Variants in GNAQ observed in about 807,000 individuals in gnomAD.
The protein encoded by GNAQ is G protein subunit alpha q.
A neutral mutation model predicts 43.9 loss-of-function variants in GNAQ; 8 were observed. The ratio of observed to expected loss-of-function variants is 0.18; its 90% confidence interval spans 0.11 to 0.33. GNAQ has a LOEUF of 0.33. GNAQ is among the 10% of genes least tolerant of loss of function. The pLI, the probability that GNAQ is intolerant of heterozygous loss-of-function variation, is 1.00. For missense variants in GNAQ, 158 were observed against 450.8 expected (o/e 0.35, Z 5.88); for synonymous variants, 155 against 170.7 (o/e 0.91, Z 0.71).
chr9:77,898,663 A>C (rs1828543647), intron 2 of GNAQ, among the ~76,000 whole-genome samples: 1 of 152,140 alleles, frequency 6.6e-6, no homozygotes, highest in Admixed American at 6.5e-5. Context: ...ATGGAAGAAC[A>C]AGTGAAAAGA....
At chr9:77,993,126 A>G (rs1461590669) in intron 1 of GNAQ, among the ~76,000 whole-genome samples, 1 of 152,218 alleles carries the variant, frequency 6.6e-6, no homozygotes, top group Non-Finnish European at 1.5e-5. Flanking sequence ...TTAGAAACTA[A>G]TTAAATTCAG....
At chr9:77,965,709 GATATGGA>G (rs1823157891) in intron 1 of GNAQ, among the ~76,000 whole-genome samples, 1 of 152,104 alleles carries the variant, frequency 6.6e-6, no homozygotes, top group Non-Finnish European at 1.5e-5. Context: ...TGCTAGCAAG[GATATGGA>G]ACTCTCATAC....
intron 1 of GNAQ, among the ~76,000 whole-genome samples, chr9:78,003,188 G>C (rs997173622): frequency 2.0e-5 from 3 of 152,084 alleles, no homozygotes; most frequent in Non-Finnish European, 4.4e-5. Flanking sequence ...ATATAAAGGA[G>C]AATGTCCAAA....
chr9:78,004,651 C>A (rs1010048929), intron 1 of GNAQ, among the ~76,000 whole-genome samples: 8 of 152,084 alleles, frequency 5.3e-5, no homozygotes, highest in Non-Finnish European at 7.3e-5. Flanking sequence ...CATACCAATA[C>A]CTCCTGCACA....
intron 3 of GNAQ, among the ~76,000 whole-genome samples, chr9:77,803,658 A>C (rs1392000171): frequency 6.6e-6 from 1 of 152,242 alleles, no homozygotes; most frequent in Non-Finnish European, 1.5e-5. Flanking sequence ...CCTTACCTGC[A>C]AGGAGTTTAT....
At chr9:77,862,716 T>TA (rs1416604323) in intron 2 of GNAQ, among the ~76,000 whole-genome samples, 1 of 152,244 alleles carries the variant, frequency 6.6e-6, no homozygotes, top group Non-Finnish European at 1.5e-5. Context: ...GGTTCCTCGT[T>TA]ACTTATGCAA....
At chr9:77,729,497 T>A (rs1587886697) in intron 5 of GNAQ, among the ~76,000 whole-genome samples, 2 of 151,768 alleles carry the variant, frequency 1.3e-5, no homozygotes, top group South Asian at 4.2e-4. Context: ...GTTAAATCAT[T>A]CCTCTGAAAA....
At chr9:77,812,015 G>A (rs1826936016) in intron 3 of GNAQ, among the ~76,000 whole-genome samples, 2 of 152,164 alleles carry the variant, frequency 1.3e-5, no homozygotes, top group South Asian at 4.1e-4. Flanking sequence ...TGCCTGTCCT[G>A]GAGAGTCGCT....
At chr9:77,815,992 T>C (rs2118511604) in intron 2 of GNAQ, among the ~76,000 whole-genome samples, 1 of 152,254 alleles carries the variant, frequency 6.6e-6, no homozygotes, top group East Asian at 1.9e-4. Context: ...TTAGAATTGA[T>C]TAGAGGAAAC....
chr9:77,794,067 A>G (rs1463192145), intron 5 of GNAQ, among the ~76,000 whole-genome samples: 1 of 152,086 alleles, frequency 6.6e-6, no homozygotes, highest in Non-Finnish European at 1.5e-5. Flanking sequence ...ACTCTTTGGG[A>G]CACACCCATC....
chr9:78,031,099 C>A lies in GNAQ; in HGVS notation c.136+1G>T, dbSNP rs1178986493. On this transcript the variant is annotated splice_donor_variant, in intron 1 of 6. Coordinates refer to ENST00000286548, the MANE Select transcript of GNAQ (RefSeq NM_002072.5). LOFTEE classifies it high-confidence loss of function. ...CCGGCGGGGCCCCGGACGGTACTCACCGAGCAGCAGCAGCTTGAGCTCCCG... is the reference window on the plus strand; with the variant it reads ...CCGGCGGGGCCCCGGACGGTACTCAACGAGCAGCAGCAGCTTGAGCTCCCG... 6.6e-7 allele frequency: 1 copy of A among 1,517,674 alleles called. No individual in the cohort carries two copies. The allele number at this position is 1,517,674 out of a possible 1,614,324, so 94.0% of individuals were successfully genotyped here.
At chr9:77,910,862 A>G (rs1266885496) in intron 2 of GNAQ, among the ~76,000 whole-genome samples, 3 of 152,192 alleles carry the variant, frequency 2.0e-5, no homozygotes, top group Non-Finnish European at 4.4e-5. Flanking sequence ...TTTGCTTAAC[A>G]CCACACAACA....
intron 2 of GNAQ, among the ~76,000 whole-genome samples, chr9:77,898,383 C>T (rs1045328985): frequency 6.6e-6 from 1 of 152,176 alleles, no homozygotes; most frequent in Non-Finnish European, 1.5e-5. Flanking sequence ...GGGAGCCATT[C>T]TGTCCCTCCC....
chr9:78,008,512 A>C (rs1823732938), intron 1 of GNAQ, among the ~76,000 whole-genome samples: 1 of 152,254 alleles, frequency 6.6e-6, no homozygotes, highest in East Asian at 1.9e-4. Flanking sequence ...AGTTTATTTT[A>C]CATTAAATAA....
rs74437580 is a variant in GNAQ, at chr9:77,755,261, T to A, written c.736-26594A>T. Among the ~76,000 whole-genome samples the A allele has an allele frequency of 9.9e-5, 15 of 152,282 alleles. No individual in the cohort carries two copies. The East Asian group carries it at 2.9e-3, about 29-fold the overall frequency. ...TAGTGGGGCTGGGGGAAGTGGTTAATGGGTACAAAAATATAGTTAGATAAA... is the reference window on the plus strand; with the variant it reads ...TAGTGGGGCTGGGGGAAGTGGTTAAAGGGTACAAAAATATAGTTAGATAAA... On this transcript the variant is annotated intron_variant, in intron 5 of 6. Coordinates refer to ENST00000286548, the MANE Select transcript of GNAQ (RefSeq NM_002072.5).
intron 1 of GNAQ, among the ~76,000 whole-genome samples, chr9:78,029,090 C>T (rs1824017234): frequency 6.6e-6 from 1 of 152,088 alleles, no homozygotes; most frequent in Admixed American, 6.5e-5. Context: ...TTTAAATACA[C>T]AGTATGGAAT....
intron 2 of GNAQ, among the ~76,000 whole-genome samples, chr9:77,847,504 A>C (rs947426069): frequency 6.6e-6 from 1 of 152,230 alleles, no homozygotes; most frequent in African/African-American, 2.4e-5. Context: ...AGCAGATATC[A>C]AAAAGGAAGG....
At chr9:77,958,011 G>T (rs539179323) in intron 1 of GNAQ, among the ~76,000 whole-genome samples, 1 of 152,242 alleles carries the variant, frequency 6.6e-6, no homozygotes, top group Admixed American at 6.5e-5. Flanking sequence ...CTTTACAAAG[G>T]TTTCTTAAAA....
At chr9:77,987,946 T>G (rs764662425) in intron 1 of GNAQ, among the ~76,000 whole-genome samples, 1 of 151,934 alleles carries the variant, frequency 6.6e-6, no homozygotes, top group South Asian at 2.1e-4. Context: ...GGGGGTGGTG[T>G]TGTGGTCAGC....
Sources: gnomAD v4.1 joint callset for allele counts (sites outside exome capture counted in the v4.1 genomes callset) on GRCh38, gnomAD v4.1.1 for gene constraint, MANE v1.5 for transcripts, NCBI Gene and HGNC (gene_info 2026-07-23, HGNC 2026-07-21) for gene names.